The following USP8 variants were observed in gnomAD, a reference collection of about 807,000 sequenced individuals.
The protein encoded by USP8 is ubiquitin specific peptidase 8.
A neutral mutation model predicts 130.0 loss-of-function variants in USP8; 27 were observed. The ratio of observed to expected loss-of-function variants is 0.21; its 90% CI spans 0.15 to 0.29. The LOEUF (loss-of-function observed/expected upper bound fraction) is 0.29, where lower values mean the gene tolerates loss of function less well. USP8 is among the 10% of genes least tolerant of loss of function. USP8 has a pLI of 1.00. For synonymous variants in USP8, 392 were observed against 444.1 expected (o/e 0.88, Z 1.48); for missense variants, 1,029 against 1,312.2 (o/e 0.78, Z 3.33).
chr15:50,468,769 G>A (rs570826231), intron 7 of USP8, among the ~76,000 whole-genome samples: 5 of 151,704 alleles, frequency 3.3e-5, no homozygotes, highest in Admixed American at 6.6e-5. Context: ...AGTTCTTACC[G>A]TTTAGCTCCC....
Position 50,463,193 on chromosome 15 carries a change from G to C in USP8, c.541+871G>C, listed in dbSNP as rs184996434. 1.9e-3 allele frequency among the ~76,000 whole-genome samples: 289 copies of C among 152,214 alleles called. 1 individual carries two copies. The highest frequency in any genetic ancestry group is 2.0e-3 in the Non-Finnish European group (134 of 68,010). On this transcript the variant is annotated intron_variant, in intron 6 of 19. Coordinates refer to ENST00000307179, the MANE Select transcript of USP8 (RefSeq NM_005154.5). ...GAGCCCGGGAGGTTGAGGCTGCAGT[G>C]AGCCACGATCACACCACTGTACTGC...
Position 50,504,162 on chromosome 15 carries a change from G to A in USP8, c.*5074G>A, listed in dbSNP as rs1052561775. The A allele has an allele frequency of 8.5e-5, 13 of 152,214 alleles. No individual in the cohort carries two copies. The highest frequency in any genetic ancestry group is 2.9e-4 in the African/African-American group (12 of 41,532). 9.4% of individuals were successfully genotyped at this position (152,214 alleles called of 1,614,324 possible). A position where few individuals can be genotyped will look rare whatever the true frequency, so the allele number is the denominator to read the frequency against. On this transcript the variant is annotated 3_prime_UTR_variant, in exon 20 of 20. Coordinates refer to ENST00000307179, the MANE Select transcript of USP8 (RefSeq NM_005154.5). ...CAACTATTTACATAGTATTTATATT[G>A]TATTAGATATTATAAGTAATCCAGA...
Position 50,499,136 on chromosome 15 carries a change from C to CAACT in USP8, c.*49_*52dup. ...TTATCTTTTAAAAGGCTCAGCAACA[C>CAACT]AACTCTTGAAATGCTTATCAGGATA... On this transcript the variant is annotated 3_prime_UTR_variant, in exon 20 of 20. Transcript: ENST00000307179. The CAACT allele has an allele frequency of 2.0e-6, 3 of 1,511,740 alleles. No individual in the cohort carries two copies. Among genetic ancestry groups the CAACT allele is most frequent in the Non-Finnish European group, 2.7e-6 (3 of 1,127,852 alleles). The allele number at this position is 1,511,740 out of a possible 1,614,324, so 93.6% of individuals were successfully genotyped here.
At position 50,449,401 on chromosome 15, in the gene USP8, A is replaced by T; in HGVS notation, c.251A>T (p.Asp84Val). 6.4e-7 allele frequency: 1 copy of T among 1,573,554 alleles called. No individual in the cohort carries two copies. The highest frequency in any genetic ancestry group is 8.6e-7 in the Non-Finnish European group (1 of 1,158,914). Reference sequence around the variant, plus strand: ...GGGATGGTTTTCCTATAATTTTAGGATTATTTCCATTCAATACTTGGACCT... The same window carrying T: ...GGGATGGTTTTCCTATAATTTTAGGTTTATTTCCATTCAATACTTGGACCT... ...KKRPDFKQQQ[D>V]YFHSILGPGN... is the part of the protein sequence containing the mutation. The change falls in exon 4 of 20, where the codon GAT becomes GTT. Residue 84 changes from aspartate to valine, a missense_variant and splice_region_variant. By Grantham distance (152) the Asp-to-Val change is radical (BLOSUM62 -3). Transcript: ENST00000307179.
At position 50,459,179 on chromosome 15, in the gene USP8, G is replaced by A. The variant is rs2050895841; in HGVS notation, c.498+17G>A. The A allele has an allele frequency of 4.4e-6, 7 of 1,596,178 alleles. No homozygotes were observed. Among genetic ancestry groups the A allele is most frequent in the Non-Finnish European group, 5.1e-6 (6 of 1,174,128 alleles). On this transcript the variant is annotated intron_variant, in intron 5 of 19. Coordinates refer to ENST00000307179, the MANE Select transcript of USP8 (RefSeq NM_005154.5). ...ACCCAAAAGGTATTTCAAATTTAAT[G>A]TGTGAGTTAAAAGACTGTTTCTGCT...
chr15:50,471,710 A>G lies in USP8; in HGVS notation c.764A>G (p.Tyr255Cys), dbSNP rs374045855. ...DTWKKRGNVE[Y>C]VVLLDWFSSA... ...TGGAAGAAGAGGGGGAATGTGGAGT[A>G]TGTGGTACTTCTTGACTGGTTTAGT... Residue 255 changes from tyrosine (Y) to cysteine (C), a missense_variant, in exon 8 of 20, where the codon TAT becomes TGT. Tyr to Cys is a radical substitution (Grantham distance 194, BLOSUM62 -2). Transcript: ENST00000307179. The G allele has an allele frequency of 1.1e-5, 18 of 1,614,014 alleles. No individual in the cohort carries two copies. The highest frequency in any genetic ancestry group is 1.7e-5 in the Admixed American group (1 of 59,996).
chr15:50,428,672 G>A (rs1343389143), intron 1 of USP8, among the ~76,000 whole-genome samples: 3 of 152,202 alleles, frequency 2.0e-5, no homozygotes, highest in Non-Finnish European at 4.4e-5. Flanking sequence ...CATAACTTGT[G>A]CAACTTGAGG....
At chr15:50,458,344 T>G (rs887532829) in intron 4 of USP8, among the ~76,000 whole-genome samples, 3 of 152,166 alleles carry the variant, frequency 2.0e-5, no homozygotes, top group African/African-American at 7.2e-5. Flanking sequence ...AGAGATGGGA[T>G]TTCACCATGT....
At position 50,501,480 on chromosome 15, in the gene USP8, G is replaced by C. The variant is rs775355168; in HGVS notation, c.*2392G>C. 3 of 151,178 alleles carry C rather than the reference G, an allele frequency of 2.0e-5. No homozygotes were observed. Among genetic ancestry groups the C allele is most frequent in the Non-Finnish European group, 4.4e-5 (3 of 67,882 alleles). 9.4% of individuals were successfully genotyped at this position (151,178 alleles called of 1,614,324 possible). ...CAGAGTGAGACCCTGTCTTAAAATT[G>C]TAAGTTCATTTACGTAAGATGGCTT... On this transcript the variant is annotated 3_prime_UTR_variant, in exon 20 of 20. Coordinates refer to ENST00000307179, the MANE Select transcript of USP8 (RefSeq NM_005154.5).
At chr15:50,433,212 C>T (rs1475945815) in intron 1 of USP8, among the ~76,000 whole-genome samples, 2 of 150,432 alleles carry the variant, frequency 1.3e-5, no homozygotes, top group South Asian at 2.1e-4. Flanking sequence ...CCAGCTTGGG[C>T]GACAGAGTGA....
At chr15:50,498,560 C>T in intron 18 of USP8, 36 bp from the exon 19 acceptor site, 1 of 1,567,802 alleles carries the variant, frequency 6.4e-7, no homozygotes, top group South Asian at 1.2e-5. Context: ...CTGGTATCTT[C>T]CTCTGTCAGT....
At chr15:50,494,015 T>C (rs1173839897) in intron 15 of USP8, 55 bp from the exon 16 acceptor site, 1 of 1,574,988 alleles carries the variant, frequency 6.3e-7, no homozygotes, top group Non-Finnish European at 8.7e-7. Flanking sequence ...TACTGTACCT[T>C]GCTTAACTTT....
At position 50,475,576 on chromosome 15, in the gene USP8, T is replaced by TAC. The variant is rs1001012519; in HGVS notation, c.850-1263_850-1262dup. Among the ~76,000 whole-genome samples the TAC allele has an allele frequency of 1.2e-4, 18 of 151,956 alleles. No homozygotes were observed. In the East Asian group the frequency reaches 1.4e-3, roughly 11 times the overall value. On this transcript the variant is annotated intron_variant, in intron 8 of 19. Coordinates refer to ENST00000307179, the MANE Select transcript of USP8 (RefSeq NM_005154.5). Reference sequence around the variant, plus strand: ...ATGTATATATACACACACATATATGTACACACACACATATATATATATTTA... The same window carrying TAC: ...ATGTATATATACACACACATATATGTACACACACACACATATATATATATTTA...
At chr15:50,434,468 A>T (rs1338956532) in intron 1 of USP8, among the ~76,000 whole-genome samples, 1 of 151,852 alleles carries the variant, frequency 6.6e-6, no homozygotes, top group Admixed American at 6.6e-5. Context: ...CTGCTGTTTG[A>T]CTAAGGCTGA....
chr15:50,473,768 G>C (rs879322554), intron 8 of USP8, among the ~76,000 whole-genome samples: 5 of 151,316 alleles, frequency 3.3e-5, no homozygotes, highest in African/African-American at 1.2e-4. Context: ...CAAAGTGTTG[G>C]GATTACAGGC....
In USP8 at chr15:50,504,785, C is replaced by T. The variant is rs1451273466; in HGVS notation, c.*5697C>T. The T allele has an allele frequency of 6.6e-6, 1 of 151,726 alleles. No homozygotes were observed. The highest frequency in any genetic ancestry group is 1.5e-5 in the Non-Finnish European group (1 of 68,038). The allele number at this position is 151,726 out of a possible 1,614,324, so 9.4% of individuals were successfully genotyped here. ...ATGAGGTCAGGAGTTCAAGACCAACCTGGTACACATGGTGAAACCCTGTCT... is the reference window on the plus strand; with the variant it reads ...ATGAGGTCAGGAGTTCAAGACCAACTTGGTACACATGGTGAAACCCTGTCT... On this transcript the variant is annotated 3_prime_UTR_variant, in exon 20 of 20. Transcript: ENST00000307179.
chr15:50,446,549 T>G (rs2050446695), intron 3 of USP8, among the ~76,000 whole-genome samples: 1 of 152,224 alleles, frequency 6.6e-6, no homozygotes, highest in Non-Finnish European at 1.5e-5. Context: ...AATGTAATGA[T>G]TACATTGTAT....
chr15:50,424,609 C>T (rs751815942), intron 1 of USP8, 95 bp downstream of exon 1: 3 of 397,338 alleles, frequency 7.6e-6, no homozygotes, highest in Middle Eastern at 6.2e-4. Flanking sequence ...CTGGTTACCC[C>T]GGAGACAAGC....
intron 7 of USP8, chr15:50,466,974 C>A (rs2051212203): frequency 4.2e-6 from 2 of 481,012 alleles, no homozygotes; most frequent in Non-Finnish European, 7.7e-6. Context: ...GACATGGGAT[C>A]ATTTCCATAT....
Sources: gnomAD v4.1 joint callset for allele counts (sites outside exome capture counted in the v4.1 genomes callset) on GRCh38, gnomAD v4.1.1 for gene constraint, MANE v1.5 for transcripts, NCBI Gene and HGNC (gene_info 2026-07-23, HGNC 2026-07-21) for gene names.